NRXN3: variants seen among roughly 807,000 people sequenced by gnomAD.
NRXN3 encodes neurexin 3, also known as neurexin III.
Under a neutral mutation model 137.6 loss-of-function variants are expected in NRXN3, and 32 were observed. The observed-to-expected ratio is 0.23, with a 90% CI of 0.18 to 0.31. NRXN3 has a LOEUF of 0.31. Ranked by LOEUF, NRXN3 falls within the 10% of genes least tolerant of loss-of-function variation. The pLI, the probability that NRXN3 is intolerant of heterozygous loss-of-function variation, is 1.00. For synonymous variants in NRXN3, 798 were observed against 784.5 expected, an observed-to-expected ratio of 1.02 and a Z score of -0.29; for missense variants, 1,574 against 2,062.5, an observed-to-expected ratio of 0.76 and a Z score of 4.59.
At chr14:79,466,970 G>A (rs915357029) in intron 15 of NRXN3, among the ~76,000 whole-genome samples, 6 of 152,142 alleles carry the variant, frequency 3.9e-5, no homozygotes, top group Non-Finnish European at 8.8e-5. Flanking sequence ...GTTATGCAGC[G>A]GGAACTTAAG....
chr14:79,656,660 G>A (rs1170828533), intron 16 of NRXN3, among the ~76,000 whole-genome samples: 2 of 144,896 alleles, frequency 1.4e-5, no homozygotes, highest in South Asian at 4.3e-4. Context: ...GAGCTGTCTC[G>A]AGCTATTTAT....
chr14:79,852,970 G>T (rs1293490339), intron 20 of NRXN3, among the ~76,000 whole-genome samples: 1 of 151,846 alleles, frequency 6.6e-6, no homozygotes, highest in East Asian at 1.9e-4. Context: ...ATTGTTTTCT[G>T]CAGTTTTTCC....
At chr14:78,319,700 G>A (rs2079107712) in intron 4 of NRXN3, among the ~76,000 whole-genome samples, 2 of 152,266 alleles carry the variant, frequency 1.3e-5, no homozygotes, top group Admixed American at 1.3e-4. Flanking sequence ...TGCAGCCCTG[G>A]ACATGGGGTG....
chr14:78,228,460 C>T (rs2064973773), intron 1 of NRXN3, among the ~76,000 whole-genome samples: 1 of 152,082 alleles, frequency 6.6e-6, no homozygotes, highest in African/African-American at 2.4e-5. Context: ...CCGGCTAGAT[C>T]TCTAAAATCA....
At chr14:79,104,312 C>T (rs1229507564) in intron 15 of NRXN3, among the ~76,000 whole-genome samples, 1 of 152,124 alleles carries the variant, frequency 6.6e-6, no homozygotes, top group Non-Finnish European at 1.5e-5. Flanking sequence ...ATACTACAGG[C>T]ACACATGAAT....
chr14:78,650,275 C>T (rs1483024570), intron 5 of NRXN3, among the ~76,000 whole-genome samples: 1 of 151,884 alleles, frequency 6.6e-6, no homozygotes, highest in African/African-American at 2.4e-5. Context: ...TTTTCTTCTG[C>T]CTTCTCTCTT....
intron 19 of NRXN3, among the ~76,000 whole-genome samples, chr14:79,747,345 A>T (rs1010952300): frequency 2.0e-5 from 3 of 152,064 alleles, no homozygotes; most frequent in Non-Finnish European, 4.4e-5. Context: ...TCATTTCAGA[A>T]ATTTCATTTC....
chr14:79,150,338 C>T (rs1220939381), intron 15 of NRXN3, among the ~76,000 whole-genome samples: 2 of 151,820 alleles, frequency 1.3e-5, no homozygotes, highest in African/African-American at 2.4e-5. Context: ...TAGCTGTCTC[C>T]GCCCCCACCC....
intron 17 of NRXN3, among the ~76,000 whole-genome samples, chr14:79,667,956 C>G (rs1170301350): frequency 6.6e-6 from 1 of 151,956 alleles, no homozygotes; most frequent in Non-Finnish European, 1.5e-5. Context: ...TGAGCATGGT[C>G]CAGTAAAGGC....
chr14:79,733,377 TGTC>T (rs1437322200), intron 19 of NRXN3, among the ~76,000 whole-genome samples: 1 of 152,192 alleles, frequency 6.6e-6, no homozygotes, highest in African/African-American at 2.4e-5. Context: ...GTAATTTAGT[TGTC>T]ATTAAACTCT....
At chr14:78,845,739 T>G (rs2099024744) in intron 10 of NRXN3, among the ~76,000 whole-genome samples, 1 of 152,074 alleles carries the variant, frequency 6.6e-6, no homozygotes, top group Non-Finnish European at 1.5e-5. Context: ...GTGTAAGATC[T>G]CACACTTCTA....
intron 6 of NRXN3, among the ~76,000 whole-genome samples, chr14:78,672,653 C>T (rs924320143): frequency 6.6e-6 from 1 of 152,218 alleles, no homozygotes; most frequent in African/African-American, 2.4e-5. Context: ...GTCACGCCCA[C>T]AGGACTCTTC....
At chr14:78,171,303 G>T (rs2058701877) in intron 1 of NRXN3, among the ~76,000 whole-genome samples, 1 of 150,330 alleles carries the variant, frequency 6.7e-6, no homozygotes, top group Non-Finnish European at 1.5e-5. Context: ...TGTGAAGGTG[G>T]GCATACTTGG....
At chr14:78,991,367 G>GTT (rs1236236991) in intron 15 of NRXN3, among the ~76,000 whole-genome samples, 1 of 152,180 alleles carries the variant, frequency 6.6e-6, no homozygotes, top group African/African-American at 2.4e-5. Context: ...CAAAGAGAGT[G>GTT]TTCTATAGAA....
At chr14:79,390,053 C>T (rs983422006) in intron 15 of NRXN3, among the ~76,000 whole-genome samples, 1 of 152,012 alleles carries the variant, frequency 6.6e-6, no homozygotes. Flanking sequence ...AGCGGTGGCT[C>T]ACGCCTGTAA....
At chr14:79,145,446 AT>A (rs569526621) in intron 15 of NRXN3, among the ~76,000 whole-genome samples, 1 of 152,014 alleles carries the variant, frequency 6.6e-6, no homozygotes, top group African/African-American at 2.4e-5. Flanking sequence ...TAAAGGTGCT[AT>A]TTTTTTACCC....
At chr14:78,885,734 T>C (rs911789942) in intron 10 of NRXN3, among the ~76,000 whole-genome samples, 7 of 152,152 alleles carry the variant, frequency 4.6e-5, no homozygotes, top group Non-Finnish European at 7.4e-5. Context: ...ACAGAAGATA[T>C]ATCTTAGGCT....
At chr14:78,984,639 A>T (rs761173235) in intron 14 of NRXN3, among the ~76,000 whole-genome samples, 1 of 152,226 alleles carries the variant, frequency 6.6e-6, no homozygotes, top group Non-Finnish European at 1.5e-5. Flanking sequence ...ATGAGCAGGC[A>T]TCTGAACCAC....
chr14:79,381,848 C>G (rs770994152), intron 15 of NRXN3, among the ~76,000 whole-genome samples: 81 of 152,154 alleles, frequency 5.3e-4, no homozygotes, highest in Non-Finnish European at 5.6e-4. Context: ...AATGGTTTCT[C>G]CATGATGATT....
Sources: allele counts gnomAD v4.1 joint callset (sites outside exome capture counted in the v4.1 genomes callset), GRCh38; gene constraint gnomAD v4.1.1; transcripts MANE v1.5; gene names NCBI Gene and HGNC (gene_info 2026-07-23, HGNC 2026-07-21).